The following LTBP1 variants were observed in gnomAD, a reference collection of about 807,000 sequenced individuals.
LTBP1 encodes latent-transforming growth factor beta-binding protein 1.
LTBP1 carries 129 observed loss-of-function variants against 207.6 expected under a neutral mutation model. The observed-to-expected ratio is 0.62, with a 90% CI of 0.54 to 0.72. The LOEUF (loss-of-function observed/expected upper bound fraction) is 0.72, where lower values mean the gene tolerates loss of function less well. LTBP1 is among the 30% of genes least tolerant of loss of function. The probability of loss-of-function intolerance (pLI) is 0.00; values close to 1 mark genes in which losing one functional copy is unlikely to be tolerated. For synonymous variants in LTBP1, 963 were observed against 833.7 expected (o/e 1.16, Z -2.67); for missense variants, 2,281 against 2,217.2 (o/e 1.03, Z -0.58).
chr2:33,186,744 T>C, intron 5 of LTBP1, 112 bp from the exon 6 acceptor site: 1 of 756,210 alleles, frequency 1.3e-6, no homozygotes, highest in Non-Finnish European at 2.2e-6. Flanking sequence ...CTAAAGGTCA[T>C]GGGACTCTGA....
chr2:33,301,473 G>A (rs751092044), intron 21 of LTBP1, 49 bp from the exon 22 acceptor site: 18 of 1,521,556 alleles, frequency 1.2e-5, no homozygotes, highest in Non-Finnish European at 1.5e-5. Flanking sequence ...GATTGAAAAT[G>A]TTTTTGAAGC....
chr2:33,345,015 C>T (rs2094683062), intron 25 of LTBP1, among the ~76,000 whole-genome samples: 1 of 152,154 alleles, frequency 6.6e-6, no homozygotes, highest in Admixed American at 6.5e-5. Context: ...TATTTGTTAT[C>T]ATTTTGGTGA....
chr2:33,207,164 T>A (rs2089946762), intron 7 of LTBP1, among the ~76,000 whole-genome samples: 1 of 152,214 alleles, frequency 6.6e-6, no homozygotes, highest in South Asian at 2.1e-4. Context: ...AGAAAAGATG[T>A]CAAGTAGAAT....
intron 5 of LTBP1, among the ~76,000 whole-genome samples, chr2:33,181,286 T>A (rs533560083): frequency 1.3e-5 from 2 of 152,230 alleles, no homozygotes; most frequent in Non-Finnish European, 2.9e-5. Context: ...TTGCCCGCAT[T>A]TATATACAAG....
intron 20 of LTBP1, among the ~76,000 whole-genome samples, chr2:33,299,402 AG>A (rs1222725602): frequency 1.3e-5 from 2 of 152,204 alleles, no homozygotes; most frequent in Non-Finnish European, 2.9e-5. Context: ...ATTGATCTAT[AG>A]GACATGGTTT....
chr2:33,262,540 CTTTTTT>C (rs369761322), intron 13 of LTBP1, among the ~76,000 whole-genome samples, 176 bp from the exon 14 acceptor site: 1 of 98,496 alleles, frequency 1.0e-5, no homozygotes, highest in Non-Finnish European at 2.2e-5. Flanking sequence ...ATCAAAGGTT[CTTTTTT>C]TTTTTTTTTT....
intron 19 of LTBP1, among the ~76,000 whole-genome samples, chr2:33,284,494 A>T (rs184335394): frequency 3.9e-5 from 6 of 152,234 alleles, no homozygotes; most frequent in African/African-American, 1.4e-4. Flanking sequence ...CTTGGACCTG[A>T]CATTCAGCCT....
intron 3 of LTBP1, among the ~76,000 whole-genome samples, chr2:33,062,658 G>T (rs569229692): frequency 2.5e-4 from 38 of 152,292 alleles, no homozygotes; most frequent in Non-Finnish European, 5.3e-4. Context: ...TTGATCTGTT[G>T]TTGATCCTTA....
intron 9 of LTBP1, among the ~76,000 whole-genome samples, chr2:33,237,868 G>C (rs1361767837): frequency 2.0e-5 from 3 of 152,172 alleles, no homozygotes; most frequent in Non-Finnish European, 4.4e-5. Context: ...AGATAGGAAA[G>C]GAAGATTGGC....
intron 5 of LTBP1, among the ~76,000 whole-genome samples, chr2:33,141,456 C>A (rs142070119): frequency 0.011 from 1,623 of 152,294 alleles, 27 homozygotes; most frequent in African/African-American, 0.037. Context: ...ATTATAAAAA[C>A]ACATTTTAAA....
In LTBP1 at chr2:33,273,696, A is replaced by G. The variant is rs150367070; in HGVS notation, c.2658A>G (p.Ala886=). The G allele has an allele frequency of 1.1e-5, 17 of 1,611,900 alleles. No individual in the cohort carries two copies. The African/African-American group carries it at 1.5e-4, about 14-fold the overall frequency. Residue 886 remains alanine, a synonymous_variant, in exon 16 of 34, where the codon GCA becomes GCG. Coordinates refer to ENST00000404816, the MANE Select transcript of LTBP1 (RefSeq NM_206943.4). The part of the protein sequence containing the change: ...ECTVNPDICG[A]GHCINLPVRY... ...CTGTGAACCCTGATATCTGTGGAGC[A>G]GGACACTGCATTAACCTACCAGTGA...
intron 3 of LTBP1, among the ~76,000 whole-genome samples, chr2:33,092,907 A>G (rs1558626841): frequency 6.6e-6 from 1 of 152,166 alleles, no homozygotes. Flanking sequence ...TCTTTATTAT[A>G]CAAATCCCAC....
intron 10 of LTBP1, among the ~76,000 whole-genome samples, chr2:33,251,732 C>T (rs2092692587): frequency 6.7e-6 from 1 of 149,150 alleles, no homozygotes; most frequent in Admixed American, 6.7e-5. Flanking sequence ...CAGAAAACCT[C>T]ATTTGTATGG....
At chr2:33,070,646 T>C (rs1419687488) in intron 3 of LTBP1, among the ~76,000 whole-genome samples, 1 of 152,224 alleles carries the variant, frequency 6.6e-6, no homozygotes, top group East Asian at 1.9e-4. Context: ...CCCTATTCCA[T>C]TCTTTGCTGC....
chr2:33,130,954 C>G (rs2081755590), intron 4 of LTBP1, among the ~76,000 whole-genome samples: 1 of 152,166 alleles, frequency 6.6e-6, no homozygotes, highest in African/African-American at 2.4e-5. Context: ...CCTGTTAACT[C>G]CTGACTGGCC....
At chr2:33,390,333 A>G (rs1298313231) in intron 32 of LTBP1, among the ~76,000 whole-genome samples, 1 of 152,200 alleles carries the variant, frequency 6.6e-6, no homozygotes, top group East Asian at 1.9e-4. Context: ...GACTTTTCAA[A>G]TACAGACAAT....
intron 2 of LTBP1, among the ~76,000 whole-genome samples, chr2:33,005,099 G>A (rs1686641504): frequency 1.3e-5 from 2 of 152,126 alleles, no homozygotes; most frequent in South Asian, 4.1e-4. Context: ...GCTCAGCATG[G>A]TGGAATTAGC....
chr2:33,136,876 A>G (rs951953995), intron 5 of LTBP1, among the ~76,000 whole-genome samples: 5 of 152,236 alleles, frequency 3.3e-5, no homozygotes, highest in Admixed American at 1.3e-4. Context: ...AAAGCATTTC[A>G]AAAGCAGAAC....
chr2:33,355,469 G>T (rs1054587701), intron 26 of LTBP1, among the ~76,000 whole-genome samples: 5 of 151,988 alleles, frequency 3.3e-5, no homozygotes, highest in African/African-American at 9.7e-5. Context: ...CATGTAAATT[G>T]TTACACTATA....
Sources: gnomAD v4.1 joint callset for allele counts (sites outside exome capture counted in the v4.1 genomes callset) on GRCh38, gnomAD v4.1.1 for gene constraint, MANE v1.5 for transcripts, NCBI Gene and HGNC (gene_info 2026-07-23, HGNC 2026-07-21) for gene names.